The following ASAP1 variants were observed in gnomAD, a reference collection of about 807,000 sequenced individuals.
ASAP1 encodes arf-GAP with SH3 domain, ANK repeat and PH domain-containing protein 1.
ASAP1 carries 43 observed loss-of-function variants against 145.2 expected under a neutral mutation model. The observed-to-expected ratio is 0.30, with a 90% CI of 0.23 to 0.38. The LOEUF (loss-of-function observed/expected upper bound fraction) is 0.38, where lower values mean the gene tolerates loss of function less well. Among genes scored for constraint, ASAP1 ranks in the 10% least tolerant of loss-of-function variants. ASAP1 has a pLI of 1.00. For missense variants in ASAP1, 1,018 were observed against 1,355.3 expected (o/e 0.75, Z 3.91); for synonymous variants, 546 against 515.5 (o/e 1.06, Z -0.80).
At chr8:130,324,847 C>T (rs1428155234) in intron 3 of ASAP1, among the ~76,000 whole-genome samples, 1 of 152,126 alleles carries the variant, frequency 6.6e-6, no homozygotes, top group African/African-American at 2.4e-5. Context: ...AAAAGCACAC[C>T]CTTGCATCCT....
intron 5 of ASAP1, among the ~76,000 whole-genome samples, chr8:130,209,795 C>CT (rs112660745): frequency 0.2 from 29,875 of 150,988 alleles, 3,396 homozygotes; most frequent in East Asian, 0.44. Flanking sequence ...AGTGGAACAC[C>CT]TTTTTTTTTG....
chr8:130,406,352 C>T (rs1829027733), intron 1 of ASAP1, among the ~76,000 whole-genome samples: 1 of 152,152 alleles, frequency 6.6e-6, no homozygotes, highest in South Asian at 2.1e-4. Flanking sequence ...TGACAGCTTC[C>T]TTGCCAGATC....
At chr8:130,403,701 C>T (rs1010652667) in intron 1 of ASAP1, among the ~76,000 whole-genome samples, 14 of 151,708 alleles carry the variant, frequency 9.2e-5, no homozygotes, top group African/African-American at 2.9e-4. Flanking sequence ...TACAGGTGTC[C>T]GCCACCACGC....
chr8:130,218,642 A>T (rs1223379339), intron 4 of ASAP1, among the ~76,000 whole-genome samples: 1 of 152,196 alleles, frequency 6.6e-6, no homozygotes, highest in Non-Finnish European at 1.5e-5. Context: ...GGAGAAGCTC[A>T]GAACCTTCTG....
chr8:130,350,978 C>T (rs1277898664), intron 3 of ASAP1, among the ~76,000 whole-genome samples: 1 of 152,226 alleles, frequency 6.6e-6, no homozygotes, highest in Admixed American at 6.5e-5. Flanking sequence ...GTCATTTTCA[C>T]ATCTGCCCAG....
intron 3 of ASAP1, among the ~76,000 whole-genome samples, chr8:130,341,432 G>C (rs1825375384): frequency 6.6e-6 from 1 of 152,186 alleles, no homozygotes; most frequent in Non-Finnish European, 1.5e-5. Context: ...TTGAGGGTCA[G>C]ACAGATCTTT....
intron 2 of ASAP1, among the ~76,000 whole-genome samples, chr8:130,389,125 T>C (rs954790623): frequency 3.3e-5 from 5 of 152,008 alleles, no homozygotes; most frequent in African/African-American, 1.2e-4. Context: ...AGTATTGTTG[T>C]TGCTGCTGTT....
intron 13 of ASAP1, among the ~76,000 whole-genome samples, chr8:130,148,487 C>T (rs2097638345): frequency 6.6e-6 from 1 of 152,160 alleles, no homozygotes; most frequent in Non-Finnish European, 1.5e-5. Context: ...GATAGTGATG[C>T]CTATCCTGTA....
chr8:130,104,060 G>T (rs879527678), intron 24 of ASAP1, among the ~76,000 whole-genome samples: 7 of 152,062 alleles, frequency 4.6e-5, no homozygotes, highest in Admixed American at 4.6e-4. Context: ...TTCCTTTCCA[G>T]ACTGTGTGCA....
At chr8:130,254,196 T>C (rs1266884130) in intron 3 of ASAP1, among the ~76,000 whole-genome samples, 1 of 152,222 alleles carries the variant, frequency 6.6e-6, no homozygotes, top group Admixed American at 6.5e-5. Context: ...GCAACAACAC[T>C]GCCTGATGTT....
At chr8:130,107,840 C>T (rs529361772) in intron 24 of ASAP1, among the ~76,000 whole-genome samples, 23 of 152,168 alleles carry the variant, frequency 1.5e-4, no homozygotes, top group Non-Finnish European at 2.9e-4. Context: ...TGAGACACCA[C>T]GCCCGACCAC....
intron 5 of ASAP1, among the ~76,000 whole-genome samples, chr8:130,213,262 C>A (rs1816695440): frequency 1.3e-5 from 2 of 152,156 alleles, no homozygotes; most frequent in Non-Finnish European, 1.5e-5. Context: ...TATTTTCTTT[C>A]AGATTTGCTT....
At chr8:130,215,963 AAAAGAAAAAGAAAAAGGAAAGG>A (rs1816882276) in intron 4 of ASAP1, among the ~76,000 whole-genome samples, 1 of 131,344 alleles carries the variant, frequency 7.6e-6, no homozygotes, top group Admixed American at 7.7e-5. Flanking sequence ...AGGGGAAAGA[AAAAGAAAAAGAAAAAGGAAAGG>A]AAAGGAAAGG....
chr8:130,378,867 G>A (rs1180208815), intron 2 of ASAP1, among the ~76,000 whole-genome samples: 1 of 152,112 alleles, frequency 6.6e-6, no homozygotes, highest in African/African-American at 2.4e-5. Context: ...CATGATCTGG[G>A]CAACTCACAG....
chr8:130,122,787 G>C (rs1425533230), intron 18 of ASAP1, among the ~76,000 whole-genome samples: 1 of 152,220 alleles, frequency 6.6e-6, no homozygotes, highest in Non-Finnish European at 1.5e-5. Context: ...CAAATGACTA[G>C]ATGAGGCACA....
intron 1 of ASAP1, among the ~76,000 whole-genome samples, chr8:130,440,281 T>A (rs943190663): frequency 6.6e-6 from 1 of 152,078 alleles, no homozygotes; most frequent in Non-Finnish European, 1.5e-5. Flanking sequence ...CTGGCCATGG[T>A]CGCTCACCTG....
At chr8:130,262,556 G>A (rs944131777) in intron 3 of ASAP1, among the ~76,000 whole-genome samples, 1 of 151,796 alleles carries the variant, frequency 6.6e-6, no homozygotes, top group African/African-American at 2.4e-5. Context: ...TATGAAGAAA[G>A]TAGCCTTTGA....
chr8:130,338,451 C>G (rs1825174399), intron 3 of ASAP1, among the ~76,000 whole-genome samples: 1 of 152,158 alleles, frequency 6.6e-6, no homozygotes, highest in Non-Finnish European at 1.5e-5. Context: ...ACAGAAGATA[C>G]GTGTCAGGTA....
chr8:130,241,189 T>C (rs1818506087), intron 3 of ASAP1, among the ~76,000 whole-genome samples: 1 of 152,102 alleles, frequency 6.6e-6, no homozygotes, highest in Non-Finnish European at 1.5e-5. Context: ...GACTGGCTCT[T>C]TCTTCTTACA....
Sources: gnomAD v4.1 joint callset for allele counts (sites outside exome capture counted in the v4.1 genomes callset) on GRCh38, gnomAD v4.1.1 for gene constraint, MANE v1.5 for transcripts, NCBI Gene and HGNC (gene_info 2026-07-23, HGNC 2026-07-21) for gene names.